The following LAMA4 variants were observed in gnomAD, a reference collection of about 807,000 sequenced individuals.
LAMA4 encodes laminin subunit alpha 4.
A neutral mutation model predicts 207.1 loss-of-function variants in LAMA4; 127 were observed. The observed-to-expected ratio is 0.61, with a 90% CI of 0.53 to 0.71. LAMA4 has a LOEUF of 0.71. Among genes scored for constraint, LAMA4 ranks in the 30% least tolerant of loss-of-function variants. The pLI, the probability that LAMA4 is intolerant of heterozygous loss-of-function variation, is 0.00. For missense variants in LAMA4, 2,093 were observed against 2,246.5 expected (o/e 0.93, Z 1.38); for synonymous variants, 761 against 816.0 (o/e 0.93, Z 1.15).
chr6:112,222,690 C>T (rs1405623185), intron 2 of LAMA4, among the ~76,000 whole-genome samples: 1 of 152,204 alleles, frequency 6.6e-6, no homozygotes, highest in Non-Finnish European at 1.5e-5. Context: ...ACCAGTGCTC[C>T]ACTCACAGCT....
Position 112,155,576 on chromosome 6 carries a change from G to T in LAMA4, c.1948C>A (p.Arg650=). The change falls in exon 15 of 39, where the codon CGA becomes AGA. Residue 650 remains arginine (R), a synonymous_variant. Coordinates refer to ENST00000230538, the MANE Select transcript of LAMA4 (RefSeq NM_001105206.3). ...TAEFALNTTD[R]IYDAVSGIDT... The stretch of plus-strand genomic sequence containing the variant: ...CAGGGAATACTCACATCATAAATTC[G>T]GTCAGTGGTGTTCAAAGCAAATTCT... 6.2e-7 allele frequency: 1 copy of T among 1,614,064 alleles called. No homozygotes were observed. Among genetic ancestry groups the T allele is most frequent in the East Asian group, 2.2e-5 (1 of 44,872 alleles).
chr6:112,253,737 G>T (rs1554190334), intron 2 of LAMA4: 1 of 1,612,734 alleles, frequency 6.2e-7, no homozygotes, highest in East Asian at 2.2e-5. Context: ...ACCCCTTTGA[G>T]CAGACACATT....
At chr6:112,246,981 G>A (rs1217863294) in intron 2 of LAMA4, among the ~76,000 whole-genome samples, 2 of 152,136 alleles carry the variant, frequency 1.3e-5, no homozygotes, top group African/African-American at 4.8e-5. Context: ...TGGATAATCA[G>A]CAAATTTTAA....
In LAMA4 at chr6:112,156,962, C is replaced by T. The variant is rs185303899; in HGVS notation, c.1818-1256G>A. 7.9e-4 allele frequency among the ~76,000 whole-genome samples: 120 copies of T among 151,810 alleles called. No individual in the cohort carries two copies. The Middle Eastern group carries it at 0.01, about 13-fold the overall frequency. ...AATCAGAAGGAAAAAATGAGGATAACAATAATAATGGTATTAATCTTTATA... is the reference window on the plus strand; with the variant it reads ...AATCAGAAGGAAAAAATGAGGATAATAATAATAATGGTATTAATCTTTATA... On this transcript the variant is annotated intron_variant, in intron 14 of 38. Transcript: ENST00000230538.
intron 2 of LAMA4, among the ~76,000 whole-genome samples, chr6:112,222,025 CAT>C (rs1462913665): frequency 3.9e-5 from 6 of 152,222 alleles, no homozygotes; most frequent in Non-Finnish European, 7.4e-5. Flanking sequence ...CTTTTGGCTC[CAT>C]ATGTTTTTCA....
chr6:112,114,219 T>A (rs782515304), intron 37 of LAMA4, 24 bp from the exon 38 acceptor site: 3 of 1,610,384 alleles, frequency 1.9e-6, no homozygotes, highest in Non-Finnish European at 2.5e-6. Flanking sequence ...CAAAGACTGG[T>A]CATAAGTGGC....
chr6:112,128,550 G>A (rs973892552), intron 31 of LAMA4, among the ~76,000 whole-genome samples: 2 of 152,052 alleles, frequency 1.3e-5, no homozygotes, highest in Admixed American at 6.6e-5. Context: ...ATAACTTATT[G>A]TATATTTCCA....
At chr6:112,177,408 G>GATA (rs1256478628) in intron 10 of LAMA4, among the ~76,000 whole-genome samples, 31 of 152,278 alleles carry the variant, frequency 2.0e-4, no homozygotes, top group African/African-American at 7.2e-4. Context: ...TGGAAATGCA[G>GATA]ATACTGGATC....
intron 2 of LAMA4, among the ~76,000 whole-genome samples, chr6:112,220,274 C>T (rs1784852948): frequency 6.6e-6 from 1 of 152,140 alleles, no homozygotes; most frequent in Admixed American, 6.5e-5. Context: ...CACAGCTTGC[C>T]TCCTGCTCTA....
At chr6:112,182,615 T>C (rs1782435667) in intron 9 of LAMA4, among the ~76,000 whole-genome samples, 1 of 152,178 alleles carries the variant, frequency 6.6e-6, no homozygotes, top group Admixed American at 6.5e-5. Flanking sequence ...TTCAGGTAGC[T>C]TCTGCTGTGG....
chr6:112,113,740 T>G (rs1433678921), intron 38 of LAMA4, among the ~76,000 whole-genome samples: 3 of 152,216 alleles, frequency 2.0e-5, no homozygotes, highest in Non-Finnish European at 2.9e-5. Flanking sequence ...AGTTCTCAGA[T>G]CCTACTGTAG....
At chr6:112,190,080 T>C (rs1782927664) in intron 6 of LAMA4, among the ~76,000 whole-genome samples, 1 of 152,242 alleles carries the variant, frequency 6.6e-6, no homozygotes, top group African/African-American at 2.4e-5. Context: ...ACATTTCATC[T>C]GTTTAATGTT....
intron 18 of LAMA4, among the ~76,000 whole-genome samples, chr6:112,147,198 G>A (rs1022567836): frequency 6.6e-6 from 1 of 152,090 alleles, no homozygotes; most frequent in Non-Finnish European, 1.5e-5. Context: ...TATTCCCGAG[G>A]CAATATCATT....
At chr6:112,185,438 G>A (rs1782629746) in intron 8 of LAMA4, 91 bp from the exon 9 acceptor site, 2 of 804,678 alleles carry the variant, frequency 2.5e-6, no homozygotes, top group Non-Finnish European at 4.4e-6. Flanking sequence ...AGGACTCAGA[G>A]TAGAGTGTGA....
rs1213169851 is a variant in LAMA4 at position 112,205,663 on chromosome 6, C to A, written c.422+1358G>T. 2.0e-5 allele frequency among the ~76,000 whole-genome samples: 3 copies of A among 152,016 alleles called. No individual in the cohort carries two copies. The East Asian group carries it at 5.8e-4, about 29-fold the overall frequency. On this transcript the variant is annotated intron_variant, in intron 4 of 38. Transcript: ENST00000230538. The stretch of plus-strand genomic sequence containing the variant: ...ACTGTCTTTTGTTATTCATAACAGG[C>A]ACCTTTCAACCATATCTGAGTTTAT...
At position 112,129,041 on chromosome 6, in the gene LAMA4, G is replaced by A. The variant is rs200189282; in HGVS notation, c.4168C>T (p.Arg1390Trp). 2.0e-5 allele frequency: 32 copies of A among 1,612,280 alleles called. No individual in the cohort carries two copies. The highest frequency in any genetic ancestry group is 4.0e-5 in the African/African-American group (3 of 74,962). The change falls in exon 31 of 39, where the codon CGG (arginine) becomes TGG (tryptophan). Residue 1390 changes from arginine to tryptophan, a missense_variant. Physicochemically the swap from Arg to Trp is moderately radical, Grantham distance 101. Transcript: ENST00000230538. ...DRDVEVEDFQRYTEKVHTSLY... is the reference protein window; with the variant it reads ...DRDVEVEDFQWYTEKVHTSLY... The stretch of plus-strand genomic sequence containing the variant: ...GAAGTGTGGACCTTTTCAGTATACC[G>A]TTGGAAATCTTCAACCTCCACATCT...
intron 2 of LAMA4, among the ~76,000 whole-genome samples, chr6:112,241,178 T>TAGGA (rs1562102320): frequency 2.4e-4 from 34 of 142,426 alleles, no homozygotes; most frequent in South Asian, 1.5e-3. Flanking sequence ...TATGAATATA[T>TAGGA]ATGAATATAT....
At chr6:112,149,537 C>T (rs1402757241) in intron 17 of LAMA4, among the ~76,000 whole-genome samples, 1 of 152,178 alleles carries the variant, frequency 6.6e-6, no homozygotes, top group Non-Finnish European at 1.5e-5. Context: ...CCCCTTTGCT[C>T]AGCAATCATT....
chr6:112,186,235 A>T (rs1335323250), intron 8 of LAMA4, among the ~76,000 whole-genome samples: 11 of 152,228 alleles, frequency 7.2e-5, no homozygotes, highest in Admixed American at 6.5e-5. Flanking sequence ...CATGAGATAG[A>T]GGCAATAATT....
Sources: allele counts gnomAD v4.1 joint callset (sites outside exome capture counted in the v4.1 genomes callset), GRCh38; gene constraint gnomAD v4.1.1; transcripts MANE v1.5; gene names NCBI Gene and HGNC (gene_info 2026-07-23, HGNC 2026-07-21).